Variants in HDAC9 observed in about 807,000 individuals in gnomAD.
HDAC9 encodes the protein MEF-2 interacting transcription repressor (MITR) protein.
A neutral mutation model predicts 139.4 loss-of-function variants in HDAC9; 41 were observed. That is an observed-to-expected ratio of 0.29 (90% confidence interval 0.23 to 0.38). The LOEUF (loss-of-function observed/expected upper bound fraction) is 0.38, where lower values mean the gene tolerates loss of function less well. Ranked by LOEUF, HDAC9 falls within the 10% of genes least tolerant of loss-of-function variation. The pLI, the probability that HDAC9 is intolerant of heterozygous loss-of-function variation, is 1.00. For missense variants in HDAC9, 1,147 were observed against 1,297.0 expected (o/e 0.88, Z 1.78); for synonymous variants, 517 against 476.2 (o/e 1.09, Z -1.12).
intron 19 of HDAC9, among the ~76,000 whole-genome samples, chr7:18,834,257 A>C (rs535951013): frequency 1.3e-5 from 2 of 152,324 alleles, no homozygotes; most frequent in African/African-American, 2.4e-5. Flanking sequence ...ACAGAACCGG[A>C]AACTATGTAT....
At chr7:18,984,386 G>A (rs1041323440) in intron 25 of HDAC9, among the ~76,000 whole-genome samples, 5 of 151,986 alleles carry the variant, frequency 3.3e-5, no homozygotes, top group African/African-American at 1.2e-4. Flanking sequence ...AAAATTTAAT[G>A]GAAGGGAATT....
intron 2 of HDAC9, among the ~76,000 whole-genome samples, chr7:18,526,523 A>G (rs933535916): frequency 1.3e-5 from 2 of 152,212 alleles, no homozygotes; most frequent in Non-Finnish European, 2.9e-5. Context: ...CAGTGGGAAC[A>G]TCTAGTTCTT....
At chr7:18,526,859 G>A (rs142827797) in intron 2 of HDAC9, among the ~76,000 whole-genome samples, 1 of 152,262 alleles carries the variant, frequency 6.6e-6, no homozygotes, top group African/African-American at 2.4e-5. Context: ...TCAAAGACAA[G>A]GGGGTCTTAG....
chr7:18,150,288 T>C (rs1786676382), intron 1 of HDAC9, among the ~76,000 whole-genome samples: 1 of 152,100 alleles, frequency 6.6e-6, no homozygotes. Context: ...TGGTCCAGTT[T>C]TATATAGGCC....
At chr7:18,221,656 C>T (rs1004037090) in intron 2 of HDAC9, among the ~76,000 whole-genome samples, 11 of 152,052 alleles carry the variant, frequency 7.2e-5, no homozygotes, top group African/African-American at 2.7e-4. Context: ...CTGAGAGAAT[C>T]TGGGGAATGC....
At chr7:18,390,815 A>C (rs1361970461) in intron 1 of HDAC9, among the ~76,000 whole-genome samples, 3 of 152,222 alleles carry the variant, frequency 2.0e-5, no homozygotes, top group Non-Finnish European at 2.9e-5. Context: ...TGGGCTGGGC[A>C]TGGTGGCTCA....
At chr7:18,168,112 G>A (rs1788130711) in intron 2 of HDAC9, among the ~76,000 whole-genome samples, 1 of 152,142 alleles carries the variant, frequency 6.6e-6, no homozygotes, top group African/African-American at 2.4e-5. Flanking sequence ...CTGTTAGTGG[G>A]AACTCTGCAG....
chr7:18,845,138 G>A (rs1258224569), intron 21 of HDAC9, among the ~76,000 whole-genome samples: 1 of 152,108 alleles, frequency 6.6e-6, no homozygotes, highest in African/African-American at 2.4e-5. Flanking sequence ...TTGGTTTTTT[G>A]AGGGTGTGAC....
At chr7:18,428,605 C>T (rs1212023965) in intron 1 of HDAC9, among the ~76,000 whole-genome samples, 1 of 152,090 alleles carries the variant, frequency 6.6e-6, no homozygotes, top group African/African-American at 2.4e-5. Flanking sequence ...AACCTCAAAA[C>T]AAACAAACAA....
At chr7:18,516,973 T>TAA (rs1803425933) in intron 2 of HDAC9, among the ~76,000 whole-genome samples, 1 of 152,088 alleles carries the variant, frequency 6.6e-6, no homozygotes, top group African/African-American at 2.4e-5. Context: ...AAAGATTACT[T>TAA]AAAAAGACAT....
At chr7:18,709,416 A>G (rs375067499) in intron 12 of HDAC9, among the ~76,000 whole-genome samples, 1 of 152,198 alleles carries the variant, frequency 6.6e-6, no homozygotes, top group South Asian at 2.1e-4. Context: ...GTTTGTTTCA[A>G]TTCCAGATAT....
At chr7:18,937,108 C>T (rs991471257) in intron 23 of HDAC9, among the ~76,000 whole-genome samples, 11 of 144,958 alleles carry the variant, frequency 7.6e-5, no homozygotes, top group Admixed American at 3.6e-4. Flanking sequence ...GGCGCGATCT[C>T]GGCTCACTGC....
intron 23 of HDAC9, 91 bp downstream of exon 23, chr7:18,936,033 A>G: frequency 1.6e-6 from 2 of 1,257,916 alleles, no homozygotes; most frequent in South Asian, 1.5e-5. Flanking sequence ...CTGCATACTC[A>G]GAAAGCTTAA....
At chr7:18,882,174 T>C (rs1244378685) in intron 22 of HDAC9, among the ~76,000 whole-genome samples, 2 of 152,176 alleles carry the variant, frequency 1.3e-5, no homozygotes, top group Non-Finnish European at 2.9e-5. Context: ...ATTCGATGTT[T>C]CTTGAAATAG....
intron 17 of HDAC9, among the ~76,000 whole-genome samples, chr7:18,814,890 A>G (rs1794448892): frequency 6.6e-6 from 1 of 152,224 alleles, no homozygotes; most frequent in Non-Finnish European, 1.5e-5. Context: ...TATACAATGT[A>G]CATTGCAATT....
At chr7:18,130,643 CTG>C (rs1310811782) in intron 1 of HDAC9, among the ~76,000 whole-genome samples, 2 of 152,244 alleles carry the variant, frequency 1.3e-5, no homozygotes, top group African/African-American at 4.8e-5. Context: ...TTCTCTTTAG[CTG>C]TCACCCCTAA....
chr7:18,567,263 T>C (rs912804378), intron 2 of HDAC9, among the ~76,000 whole-genome samples: 4 of 152,088 alleles, frequency 2.6e-5, no homozygotes, highest in African/African-American at 9.7e-5. Context: ...CGCATGGGGT[T>C]CTATGGCTAT....
chr7:18,472,001 T>C (rs1247441975), intron 1 of HDAC9, among the ~76,000 whole-genome samples: 1 of 152,154 alleles, frequency 6.6e-6, no homozygotes, highest in Non-Finnish European at 1.5e-5. Context: ...GCTGCAGACC[T>C]CTGAGGTCCA....
intron 2 of HDAC9, among the ~76,000 whole-genome samples, chr7:18,513,107 A>G (rs1200480190): frequency 6.6e-6 from 1 of 152,244 alleles, no homozygotes; most frequent in African/African-American, 2.4e-5. Flanking sequence ...TTTGTACTCA[A>G]ATATCTATGT....
Sources: allele counts gnomAD v4.1 joint callset (sites outside exome capture counted in the v4.1 genomes callset), GRCh38; gene constraint gnomAD v4.1.1; transcripts MANE v1.5; gene names NCBI Gene and HGNC (gene_info 2026-07-23, HGNC 2026-07-21).